The following UBE2E2 variants were observed in gnomAD, a reference collection of about 807,000 sequenced individuals.
The protein encoded by UBE2E2 is ubiquitin conjugating enzyme E2 E2.
Under a neutral mutation model 24.7 loss-of-function variants are expected in UBE2E2, and 6 were observed. That is an observed-to-expected ratio of 0.24 (90% CI 0.13 to 0.48). The LOEUF is 0.48. Ranked by LOEUF, UBE2E2 falls within the 20% of genes least tolerant of loss-of-function variation. UBE2E2 has a pLI of 0.99. For missense variants in UBE2E2, 169 were observed against 245.0 expected, an observed-to-expected ratio of 0.69 and a Z score of 2.07; for synonymous variants, 104 against 83.6, an observed-to-expected ratio of 1.24 and a Z score of -1.33.
At chr3:23,561,866 CTCTG>C (rs1191991525) in intron 5 of UBE2E2, among the ~76,000 whole-genome samples, 15 of 151,668 alleles carry the variant, frequency 9.9e-5, no homozygotes, top group South Asian at 2.1e-4. Flanking sequence ...TGATTTGGCT[CTCTG>C]TCTGTTATTG....
chr3:23,212,228 CAGAGTT>C (rs1207374308), intron 2 of UBE2E2, among the ~76,000 whole-genome samples: 3 of 152,156 alleles, frequency 2.0e-5, no homozygotes, highest in African/African-American at 7.2e-5. Context: ...ATTTCTGTCT[CAGAGTT>C]AGGAGGAAAG....
At chr3:23,332,499 A>T (rs1416914120) in intron 3 of UBE2E2, among the ~76,000 whole-genome samples, 2 of 152,204 alleles carry the variant, frequency 1.3e-5, no homozygotes, top group Non-Finnish European at 2.9e-5. Context: ...CTGGGGAAAA[A>T]CATTTAAAAG....
At chr3:23,453,919 T>C (rs1482598771) in intron 3 of UBE2E2, among the ~76,000 whole-genome samples, 1 of 152,192 alleles carries the variant, frequency 6.6e-6, no homozygotes, top group African/African-American at 2.4e-5. Context: ...AAGATACACG[T>C]CTAGTAGTAA....
intron 5 of UBE2E2, among the ~76,000 whole-genome samples, chr3:23,579,245 C>T (rs1696413973): frequency 6.6e-6 from 1 of 152,036 alleles, no homozygotes; most frequent in African/African-American, 2.4e-5. Flanking sequence ...ATTAGCCAGG[C>T]ATGATGGCAG....
chr3:23,273,491 A>G (rs1698303262), intron 3 of UBE2E2, among the ~76,000 whole-genome samples: 1 of 151,192 alleles, frequency 6.6e-6, no homozygotes, highest in Non-Finnish European at 1.5e-5. Flanking sequence ...AGATTGCGCC[A>G]CTGCACTCCA....
At chr3:23,533,898 G>A (rs1018450081) in intron 5 of UBE2E2, among the ~76,000 whole-genome samples, 2 of 152,094 alleles carry the variant, frequency 1.3e-5, no homozygotes, top group Non-Finnish European at 2.9e-5. Flanking sequence ...TGGGATTACA[G>A]GCATGAGCCA....
At chr3:23,413,932 T>G (rs1697558794) in intron 3 of UBE2E2, among the ~76,000 whole-genome samples, 1 of 152,246 alleles carries the variant, frequency 6.6e-6, no homozygotes, top group South Asian at 2.1e-4. Context: ...TCGTTATTAC[T>G]ATATATCTGT....
intron 3 of UBE2E2, among the ~76,000 whole-genome samples, chr3:23,380,340 A>G (rs981782116): frequency 3.3e-5 from 5 of 152,308 alleles, no homozygotes; most frequent in African/African-American, 9.6e-5. Context: ...CTGAGCAGCT[A>G]GGACTACAGG....
At chr3:23,400,781 C>T (rs993978933) in intron 3 of UBE2E2, among the ~76,000 whole-genome samples, 1 of 152,104 alleles carries the variant, frequency 6.6e-6, no homozygotes, top group Admixed American at 6.5e-5. Context: ...TTCCTTCCCT[C>T]CCTTTTTTCA....
At chr3:23,522,683 G>T (rs531054591) in intron 4 of UBE2E2, among the ~76,000 whole-genome samples, 2 of 152,094 alleles carry the variant, frequency 1.3e-5, no homozygotes, top group South Asian at 4.1e-4. Context: ...TCCTTCAAAA[G>T]AAAGTATTTG....
At chr3:23,304,394 G>C (rs1214151526) in intron 3 of UBE2E2, among the ~76,000 whole-genome samples, 1 of 152,028 alleles carries the variant, frequency 6.6e-6, no homozygotes, top group Admixed American at 6.6e-5. Context: ...GTGAATATTT[G>C]TTGTGTTAGA....
At chr3:23,218,590 T>G (rs978363463) in intron 3 of UBE2E2, among the ~76,000 whole-genome samples, 34 of 152,164 alleles carry the variant, frequency 2.2e-4, no homozygotes, top group African/African-American at 7.5e-4. Context: ...TTACATATAT[T>G]ATTTTTGTAA....
intron 3 of UBE2E2, among the ~76,000 whole-genome samples, chr3:23,411,259 T>C (rs1697489794): frequency 1.3e-5 from 2 of 152,242 alleles, no homozygotes; most frequent in Admixed American, 6.5e-5. Flanking sequence ...CAGAAGCAGT[T>C]TGGCTGATGA....
At chr3:23,355,003 G>C (rs1222260507) in intron 3 of UBE2E2, among the ~76,000 whole-genome samples, 1 of 151,866 alleles carries the variant, frequency 6.6e-6, no homozygotes, top group African/African-American at 2.4e-5. Context: ...CGATAGACTG[G>C]ATTAAGAAAA....
chr3:23,566,863 G>A (rs1044729776), intron 5 of UBE2E2, among the ~76,000 whole-genome samples: 1 of 152,166 alleles, frequency 6.6e-6, no homozygotes, highest in Non-Finnish European at 1.5e-5. Flanking sequence ...GCCCAGTTAA[G>A]AGATGACAAA....
intron 3 of UBE2E2, among the ~76,000 whole-genome samples, chr3:23,400,233 A>G (rs1015288904): frequency 6.6e-6 from 1 of 152,208 alleles, no homozygotes; most frequent in Non-Finnish European, 1.5e-5. Context: ...GTTATAGAAA[A>G]CATAAACATT....
chr3:23,444,517 C>A (rs1698382879), intron 3 of UBE2E2, among the ~76,000 whole-genome samples: 1 of 152,180 alleles, frequency 6.6e-6, no homozygotes. Flanking sequence ...GGGTAGAAAA[C>A]ACAAGTTTCA....
At chr3:23,477,229 G>A (rs1349546571) in intron 3 of UBE2E2, among the ~76,000 whole-genome samples, 1 of 152,210 alleles carries the variant, frequency 6.6e-6, no homozygotes, top group Non-Finnish European at 1.5e-5. Context: ...ACTTCACAGA[G>A]AAAGCAATTT....
At chr3:23,559,789 T>C (rs944084109) in intron 5 of UBE2E2, among the ~76,000 whole-genome samples, 4 of 152,212 alleles carry the variant, frequency 2.6e-5, no homozygotes, top group African/African-American at 9.6e-5. Flanking sequence ...TGCTGATGTT[T>C]AATTCTTTTG....
Sources: allele counts gnomAD v4.1 joint callset (sites outside exome capture counted in the v4.1 genomes callset), GRCh38; gene constraint gnomAD v4.1.1; transcripts MANE v1.5; gene names NCBI Gene and HGNC (gene_info 2026-07-23, HGNC 2026-07-21).